The following PRKAR1A variants were observed in gnomAD, a reference collection of about 807,000 sequenced individuals.
PRKAR1A encodes the protein cAMP-dependent protein kinase type I-alpha regulatory subunit.
Under a neutral mutation model 52.0 loss-of-function variants are expected in PRKAR1A, and 3 were observed. The observed-to-expected ratio is 0.06, with a 90% CI of 0.03 to 0.15. PRKAR1A has a LOEUF of 0.15. Ranked by LOEUF, PRKAR1A falls within the 10% of genes least tolerant of loss-of-function variation. PRKAR1A has a pLI of 1.00. For missense variants in PRKAR1A, 240 were observed against 477.4 expected (o/e 0.50, Z 4.63); for synonymous variants, 188 against 168.4 (o/e 1.12, Z -0.90).
chr17:68,444,179 A>C, the PRKAR1A span, among the ~76,000 whole-genome samples: 2 of 152,208 alleles, frequency 1.3e-5, no homozygotes, highest in Non-Finnish European at 2.9e-5. Context: ...AGGGGTAAAC[A>C]CTTTTCAACA....
chr17:68,450,701 G>C, the PRKAR1A span: 1 of 1,584,184 alleles, frequency 6.3e-7, no homozygotes. Flanking sequence ...CAGAAGCTTT[G>C]AAACCCTGAG....
the PRKAR1A span, among the ~76,000 whole-genome samples, chr17:68,431,910 C>T: frequency 5.3e-5 from 8 of 152,228 alleles, no homozygotes; most frequent in Admixed American, 3.9e-4. Flanking sequence ...GCAGCAATTG[C>T]GATCACTCAC....
chr17:68,500,249 C>G, the PRKAR1A span, among the ~76,000 whole-genome samples: 9 of 152,280 alleles, frequency 5.9e-5, no homozygotes, highest in East Asian at 1.7e-3. Context: ...ATAATTCCCA[C>G]GTGTGTGGGA....
the PRKAR1A span, among the ~76,000 whole-genome samples, chr17:68,447,227 C>T: frequency 6.6e-6 from 1 of 152,178 alleles, no homozygotes; most frequent in Non-Finnish European, 1.5e-5. Context: ...TGGGAGGAGA[C>T]TGCAAAAGAA....
upstream of PRKAR1A, among the ~76,000 whole-genome samples, chr17:68,510,159 C>CAGAGAGAGGAGAGAG (rs1555810694): frequency 2.4e-5 from 3 of 127,520 alleles, 1 homozygote; most frequent in Non-Finnish European, 5.0e-5. Flanking sequence ...TATATGTAGA[C>CAGAGAGAGGAGAGAG]AGAGAGAGAG....
chr17:68,435,712 T>A, the PRKAR1A span: 2 of 1,614,174 alleles, frequency 1.2e-6, no homozygotes, highest in Non-Finnish European at 1.7e-6. Context: ...CAGACTGTTT[T>A]CTGTTGGTGA....
the PRKAR1A span, among the ~76,000 whole-genome samples, chr17:68,464,591 G>A: frequency 1.4e-4 from 21 of 151,834 alleles, no homozygotes; most frequent in African/African-American, 5.1e-4. Context: ...TGAGGCAGGA[G>A]AATCGCTTGA....
chr17:68,498,310 T>C, the PRKAR1A span, among the ~76,000 whole-genome samples: 1 of 152,340 alleles, frequency 6.6e-6, no homozygotes, highest in Non-Finnish European at 1.5e-5. Flanking sequence ...GAGTTTCTTC[T>C]CCTTTCCTCC....
the PRKAR1A span, among the ~76,000 whole-genome samples, chr17:68,498,913 T>G: frequency 6.6e-6 from 1 of 152,240 alleles, no homozygotes. Context: ...CCAAGTTCAG[T>G]AGCTTTGCTT....
chr17:68,485,737 A>ACTT, the PRKAR1A span, among the ~76,000 whole-genome samples: 1 of 152,020 alleles, frequency 6.6e-6, no homozygotes, highest in Non-Finnish European at 1.5e-5. Flanking sequence ...AAAGAAACAT[A>ACTT]CTTTAAGTTT....
chr17:68,548,529 C>CAA (rs985971024), intron 11 of PRKAR1A, among the ~76,000 whole-genome samples: 96 of 140,488 alleles, frequency 6.8e-4, no homozygotes, highest in African/African-American at 2.3e-3. Context: ...GACTCTGTCT[C>CAA]AAAAAAAAAA....
At chr17:68,445,794 C>T in the PRKAR1A span, among the ~76,000 whole-genome samples, 9 of 152,216 alleles carry the variant, frequency 5.9e-5, no homozygotes, top group South Asian at 2.1e-4. Flanking sequence ...GGCAGCTCCT[C>T]GCACATCTGA....
At chr17:68,451,040 T>C in the PRKAR1A span, 2 of 1,192,700 alleles carry the variant, frequency 1.7e-6, no homozygotes, top group Non-Finnish European at 2.3e-6. Flanking sequence ...TGAGCTTGCA[T>C]TGACAGTGAT....
chr17:68,522,933 T>G lies in PRKAR1A; in HGVS notation c.348+7T>G. ...GGCATCCTATGTTAGAAAGGTAGTT[T>G]TGATATTTGAATATCGGGGGGATGC... On this transcript the variant is annotated splice_region_variant and intron_variant, in intron 3 of 10. Transcript: ENST00000589228. 1 of 1,613,328 alleles carries G rather than the reference T, an allele frequency of 6.2e-7. No homozygotes were observed. Among genetic ancestry groups the G allele is most frequent in the Non-Finnish European group, 8.5e-7 (1 of 1,179,828 alleles).
chr17:68,469,735 C>A, the PRKAR1A span, among the ~76,000 whole-genome samples: 1 of 151,974 alleles, frequency 6.6e-6, no homozygotes, highest in Non-Finnish European at 1.5e-5. Flanking sequence ...TTATTAAGGA[C>A]CCCAAAGAGC....
At chr17:68,515,103 C>T (rs2085387833) in intron 1 of PRKAR1A, 1 of 420,344 alleles carries the variant, frequency 2.4e-6, no homozygotes, top group South Asian at 2.4e-5. Context: ...CTGACTTCAG[C>T]ACCCGTCTCT....
chr17:68,437,275 C>G, the PRKAR1A span, among the ~76,000 whole-genome samples: 1 of 152,036 alleles, frequency 6.6e-6, no homozygotes, highest in African/African-American at 2.4e-5. Context: ...AAATTTCAGG[C>G]CAGGCAAGGT....
the PRKAR1A span, chr17:68,422,013 T>A: frequency 2.4e-5 from 15 of 623,750 alleles, no homozygotes; most frequent in Non-Finnish European, 4.0e-5. Flanking sequence ...TATGACACAG[T>A]TCTAGAAAAT....
the PRKAR1A span, among the ~76,000 whole-genome samples, chr17:68,434,973 G>T: frequency 4.6e-5 from 7 of 152,078 alleles, no homozygotes; most frequent in Non-Finnish European, 7.4e-5. Context: ...AGGCCAAGGC[G>T]GGTGGATTGC....
Sources: gnomAD v4.1 joint callset for allele counts (sites outside exome capture counted in the v4.1 genomes callset) on GRCh38, gnomAD v4.1.1 for gene constraint, MANE v1.5 for transcripts, NCBI Gene and HGNC (gene_info 2026-07-23, HGNC 2026-07-21) for gene names.